SYT1: variants seen among roughly 807,000 people sequenced by gnomAD.
The protein encoded by SYT1 is synaptotagmin-1.
In SYT1, 8 loss-of-function variants were observed where a neutral mutation model predicts 44.8. The observed-to-expected ratio is 0.18, with a 90% CI of 0.10 to 0.32. The LOEUF is 0.32. Among genes scored for constraint, SYT1 ranks in the 10% least tolerant of loss-of-function variants. The pLI, the probability that SYT1 is intolerant of heterozygous loss-of-function variation, is 1.00. For synonymous variants in SYT1, 154 were observed against 188.8 expected, an observed-to-expected ratio of 0.82 and a Z score of 1.51; for missense variants, 286 against 509.3, an observed-to-expected ratio of 0.56 and a Z score of 4.22.
At chr12:79,141,589 A>G (rs750867780) in intron 3 of SYT1, among the ~76,000 whole-genome samples, 1 of 152,204 alleles carries the variant, frequency 6.6e-6, no homozygotes, top group Non-Finnish European at 1.5e-5. Context: ...ATGTTGTTCT[A>G]GCACTGACAA....
At chr12:79,351,349 TTTGTTCAACACAA>T (rs1882893697) in intron 8 of SYT1, among the ~76,000 whole-genome samples, 1 of 152,208 alleles carries the variant, frequency 6.6e-6, no homozygotes, top group Non-Finnish European at 1.5e-5. Flanking sequence ...GTGACATTTC[TTTGTTCAACACAA>T]TTGCAATGCC....
Position 79,363,464 on chromosome 12 carries a change from C to T in SYT1, c.928+9845C>T, listed in dbSNP as rs546571068. On this transcript the variant is annotated intron_variant, in intron 9 of 10. Transcript: ENST00000261205. ...TACTGGCCAGGTGCAGTGGCTCACA[C>T]CTGTAATCCCAGTACTTGGGCAGGC... 2.0e-4 allele frequency among the ~76,000 whole-genome samples: 31 copies of T among 152,052 alleles called. No individual in the cohort carries two copies. In the East Asian group the frequency reaches 3.9e-3, roughly 19 times the overall value.
chr12:79,294,540 A>T (rs1443452660), intron 6 of SYT1, among the ~76,000 whole-genome samples: 1 of 152,142 alleles, frequency 6.6e-6, no homozygotes, highest in African/African-American at 2.4e-5. Context: ...CAGAAGTCAG[A>T]ACAAGGTTGT....
intron 5 of SYT1, among the ~76,000 whole-genome samples, chr12:79,288,920 T>C (rs1439305658): frequency 6.6e-6 from 1 of 152,170 alleles, no homozygotes; most frequent in Non-Finnish European, 1.5e-5. Context: ...GCTCCACAGC[T>C]GAGGGTATAT....
At position 79,450,297 on chromosome 12, in the gene SYT1, CCAA is replaced by C. The variant is rs1313250290; in HGVS notation, c.*1180_*1182del. ...GATGAAAGAAAAACAAAAACAAAAA[CCAA>C]CAACAATTAGCCATAGTTCTGAATG... On this transcript the variant is annotated 3_prime_UTR_variant, in exon 11 of 11. Coordinates refer to ENST00000261205, the MANE Select transcript of SYT1 (RefSeq NM_005639.3). 1 of 152,416 alleles carries C rather than the reference CCAA, an allele frequency of 6.6e-6. No individual in the cohort carries two copies. Among genetic ancestry groups the C allele is most frequent in the African/African-American group, 2.4e-5 (1 of 41,368 alleles). 9.4% of individuals were successfully genotyped at this position (152,416 alleles called of 1,614,324 possible). A position where few individuals can be genotyped will look rare whatever the true frequency, so the allele number is the denominator to read the frequency against.
intron 3 of SYT1, among the ~76,000 whole-genome samples, chr12:79,050,928 A>G (rs1438665710): frequency 6.6e-6 from 1 of 152,050 alleles, no homozygotes; most frequent in Non-Finnish European, 1.5e-5. Flanking sequence ...GAAAATTTAG[A>G]GGTCACCTAT....
chr12:79,283,693 T>C (rs1879164444), intron 4 of SYT1, among the ~76,000 whole-genome samples: 2 of 152,184 alleles, frequency 1.3e-5, no homozygotes, highest in African/African-American at 4.8e-5. Context: ...TGAAGTATTA[T>C]GAATGATATC....
chr12:79,150,806 G>A (rs1870223853), intron 3 of SYT1, among the ~76,000 whole-genome samples: 2 of 152,092 alleles, frequency 1.3e-5, no homozygotes, highest in Non-Finnish European at 2.9e-5. Flanking sequence ...CCTCCATTTC[G>A]AGCAAGTAAC....
intron 1 of SYT1, among the ~76,000 whole-genome samples, chr12:78,945,990 T>C (rs979988200): frequency 5.9e-5 from 9 of 152,266 alleles, no homozygotes; most frequent in African/African-American, 2.2e-4. Flanking sequence ...AACCTAATAC[T>C]GTTCAAAGAA....
At chr12:79,006,079 T>C (rs1033940031) in intron 2 of SYT1, among the ~76,000 whole-genome samples, 20 of 152,110 alleles carry the variant, frequency 1.3e-4, no homozygotes, top group Admixed American at 1.3e-3. Context: ...AATAAAAAGT[T>C]TAGAGAGGCT....
intron 9 of SYT1, among the ~76,000 whole-genome samples, chr12:79,409,507 G>C (rs1868341891): frequency 6.6e-6 from 1 of 152,090 alleles, no homozygotes; most frequent in African/African-American, 2.4e-5. Flanking sequence ...TTGTGACCTA[G>C]AGTGAATTTT....
chr12:79,227,861 G>A (rs571566512), intron 4 of SYT1, among the ~76,000 whole-genome samples: 2 of 152,250 alleles, frequency 1.3e-5, no homozygotes, highest in South Asian at 4.1e-4. Context: ...ACTTTAACAA[G>A]TCTATTTCTA....
intron 1 of SYT1, chr12:78,960,600 T>C (rs1879451336): frequency 6.6e-6 from 1 of 152,204 alleles, no homozygotes; most frequent in Non-Finnish European, 1.5e-5. Flanking sequence ...GAGGACCAAG[T>C]TCAGAGCGGC....
At chr12:79,358,197 A>T (rs1412394186) in intron 9 of SYT1, among the ~76,000 whole-genome samples, 1 of 152,174 alleles carries the variant, frequency 6.6e-6, no homozygotes, top group Admixed American at 6.5e-5. Context: ...TTGTAAATTA[A>T]ATGAAATTCT....
chr12:79,313,337 A>G (rs1880901814), intron 8 of SYT1, among the ~76,000 whole-genome samples: 1 of 152,210 alleles, frequency 6.6e-6, no homozygotes, highest in Non-Finnish European at 1.5e-5. Flanking sequence ...TATGCCGTGC[A>G]ATACGTGTTA....
intron 9 of SYT1, among the ~76,000 whole-genome samples, chr12:79,357,264 C>G (rs1032512538): frequency 1.3e-5 from 2 of 152,216 alleles, no homozygotes; most frequent in African/African-American, 4.8e-5. Flanking sequence ...CTATGCACAT[C>G]TCTACAGTAG....
chr12:78,919,958 T>C (rs1876885569), intron 1 of SYT1, among the ~76,000 whole-genome samples: 1 of 152,080 alleles, frequency 6.6e-6, no homozygotes, highest in East Asian at 1.9e-4. Flanking sequence ...ATCTGATTTA[T>C]GTATGCATTG....
At chr12:79,313,985 C>T (rs990146871) in intron 8 of SYT1, among the ~76,000 whole-genome samples, 29 of 150,880 alleles carry the variant, frequency 1.9e-4, no homozygotes, top group Non-Finnish European at 8.8e-5. Flanking sequence ...CTGGTTAACA[C>T]GGTGAAACCC....
At chr12:78,936,564 T>C (rs1878071641) in intron 1 of SYT1, among the ~76,000 whole-genome samples, 1 of 152,154 alleles carries the variant, frequency 6.6e-6, no homozygotes, top group Non-Finnish European at 1.5e-5. Context: ...TAAGATTAAT[T>C]ACAATTTTTC....
Sources: allele counts gnomAD v4.1 joint callset (sites outside exome capture counted in the v4.1 genomes callset), GRCh38; gene constraint gnomAD v4.1.1; transcripts MANE v1.5; gene names NCBI Gene and HGNC (gene_info 2026-07-23, HGNC 2026-07-21).